The following RBPMS2 variants were observed in gnomAD, a reference collection of about 807,000 sequenced individuals.
The protein encoded by RBPMS2 is RNA-binding protein with multiple splicing 2.
In RBPMS2, 14 loss-of-function variants were observed where a neutral mutation model predicts 25.7. That is an observed-to-expected ratio of 0.55 (90% CI 0.36 to 0.85). The LOEUF (loss-of-function observed/expected upper bound fraction) is 0.85. Among genes scored for constraint, RBPMS2 ranks in the 40% least tolerant of loss-of-function variants. RBPMS2 has a pLI of 0.01. For synonymous variants in RBPMS2, 127 were observed against 115.6 expected (o/e 1.10, Z -0.63); for missense variants, 252 against 283.4 (o/e 0.89, Z 0.80).
chr15:64,767,630 C>G (rs1268943905), intron 1 of RBPMS2, among the ~76,000 whole-genome samples: 2 of 152,206 alleles, frequency 1.3e-5, no homozygotes, highest in East Asian at 3.8e-4. Flanking sequence ...CAGTCCCACC[C>G]TGGACATGGG....
chr15:64,750,261 T>A (rs1157257825), intron 3 of RBPMS2, 82 bp downstream of exon 3: 17 of 1,217,126 alleles, frequency 1.4e-5, no homozygotes, highest in Non-Finnish European at 1.7e-5. Flanking sequence ...GCCTCTAGAT[T>A]AGGGAAGGGT....
At chr15:64,774,040 G>C (rs1291335845) in intron 1 of RBPMS2, among the ~76,000 whole-genome samples, 1 of 152,212 alleles carries the variant, frequency 6.6e-6, no homozygotes, top group African/African-American at 2.4e-5. Flanking sequence ...ATCGACTGGG[G>C]CTGGCTGAAG....
intron 1 of RBPMS2, among the ~76,000 whole-genome samples, chr15:64,763,986 T>G (rs963187620): frequency 6.6e-6 from 1 of 152,000 alleles, no homozygotes; most frequent in Admixed American, 6.5e-5. Context: ...GCCTGTTGTG[T>G]GCACTTGACC....
rs2083924433 is a variant in RBPMS2, at chr15:64,775,432, C to T, written c.-113G>A. On this transcript the variant is annotated 5_prime_UTR_variant, in exon 1 of 8. Coordinates refer to ENST00000300069, the MANE Select transcript of RBPMS2 (RefSeq NM_194272.3). ...GCGCTCGCGGGTGCGGAGCGGGTGG[C>T]GGGGGACCCACGGGGCAGTGAGAGG... 1 of 227,798 alleles carries T rather than the reference C, an allele frequency of 4.4e-6. No homozygotes were observed. Among genetic ancestry groups the T allele is most frequent in the Non-Finnish European group, 6.9e-6 (1 of 145,792 alleles). The allele number at this position is 227,798 out of a possible 1,614,324, so 14.1% of individuals were successfully genotyped here.
chr15:64,759,472 TAAG>T (rs899952460), intron 1 of RBPMS2, among the ~76,000 whole-genome samples: 62 of 137,920 alleles, frequency 4.5e-4, no homozygotes, highest in Non-Finnish European at 9.5e-4. Context: ...AGAAGAGAAG[TAAG>T]AAGAAGGGGC....
intron 1 of RBPMS2, among the ~76,000 whole-genome samples, chr15:64,757,172 A>G (rs1400011500): frequency 3.3e-5 from 5 of 151,358 alleles, no homozygotes; most frequent in Non-Finnish European, 7.4e-5. Flanking sequence ...AGGTCTCACT[A>G]TGTTGCCTGG....
intron 1 of RBPMS2, among the ~76,000 whole-genome samples, chr15:64,767,070 CACCGAGTTTTTCGGTTTTTT>C (rs2083852997): frequency 6.6e-6 from 1 of 152,098 alleles, no homozygotes; most frequent in African/African-American, 2.4e-5. Flanking sequence ...AGGCATAAGC[CACCGAGTTTTTCGGTTTTTT>C]ACTTTTTTTT....
intron 1 of RBPMS2, among the ~76,000 whole-genome samples, chr15:64,757,661 G>A (rs1391390964): frequency 6.6e-6 from 1 of 152,178 alleles, no homozygotes; most frequent in Non-Finnish European, 1.5e-5. Flanking sequence ...CAGGAACAGA[G>A]ACATGCAGTT....
chr15:64,766,002 A>C (rs1226932107), intron 1 of RBPMS2, among the ~76,000 whole-genome samples: 1 of 151,896 alleles, frequency 6.6e-6, no homozygotes, highest in Non-Finnish European at 1.5e-5. Flanking sequence ...AAAAAAAAAA[A>C]ATGGTCTCAG....
At chr15:64,743,292 A>G (rs2083581170) in intron 6 of RBPMS2, among the ~76,000 whole-genome samples, 1 of 152,190 alleles carries the variant, frequency 6.6e-6, no homozygotes, top group South Asian at 2.1e-4. Flanking sequence ...CCCTCAGCAT[A>G]TCTGCTGGAT....
rs868203160 is a variant in RBPMS2, at chr15:64,751,443, C to T, written c.165+118G>A. On this transcript the variant is annotated intron_variant, in intron 2 of 7. Transcript: ENST00000300069. The stretch of plus-strand genomic sequence containing the variant: ...CCAGGACACGGGCTGGACCTGCCCC[C>T]ACAGCTTCTGCCACGCCTTCCCGCA... The T allele has an allele frequency of 6.2e-6, 5 of 811,938 alleles. No homozygotes were observed. The Middle Eastern group carries it at 9.2e-4, about 150-fold the overall frequency. 50.3% of individuals were successfully genotyped at this position (811,938 alleles called of 1,614,324 possible). A position where few individuals can be genotyped will look rare whatever the true frequency, so the allele number is the denominator to read the frequency against.
rs1595789540 is a variant in RBPMS2 at position 64,755,610 on chromosome 15, A to C, written c.88-3972T>G. ...TTTGTGAGGGCAGGGGGAGCGGCAC[A>C]GGGCAGCCTCATCAGCGTCATGGGT... On this transcript the variant is annotated intron_variant, in intron 1 of 7. Coordinates refer to ENST00000300069, the MANE Select transcript of RBPMS2 (RefSeq NM_194272.3). Among the ~76,000 whole-genome samples, 3 of 152,262 alleles carry C rather than the reference A, an allele frequency of 2.0e-5. No homozygotes were observed. In the East Asian group the frequency reaches 5.8e-4, roughly 29 times the overall value.
chr15:64,748,015 T>C (rs2083634775), intron 6 of RBPMS2, among the ~76,000 whole-genome samples: 2 of 145,640 alleles, frequency 1.4e-5, no homozygotes, highest in African/African-American at 5.0e-5. Flanking sequence ...AAAAAAAAAA[T>C]CGAGGCACAG....
intron 1 of RBPMS2, among the ~76,000 whole-genome samples, chr15:64,755,698 G>A (rs1055057124): frequency 2.0e-5 from 3 of 152,184 alleles, no homozygotes; most frequent in Non-Finnish European, 4.4e-5. Flanking sequence ...CCACACCAGA[G>A]TGAGGAGGGC....
At chr15:64,763,894 G>C (rs892952873) in intron 1 of RBPMS2, among the ~76,000 whole-genome samples, 1 of 152,156 alleles carries the variant, frequency 6.6e-6, no homozygotes, top group South Asian at 2.1e-4. Context: ...GCAGGTATAA[G>C]AAGGCTTCAG....
chr15:64,751,539 G>A (rs749230736), intron 2 of RBPMS2, 22 bp downstream of exon 2: 1 of 1,605,674 alleles, frequency 6.2e-7, no homozygotes, highest in East Asian at 2.2e-5. Context: ...TCTACCCAGG[G>A]GGCGGCTGGG....
chr15:64,769,455 A>G (rs534724517), intron 1 of RBPMS2, among the ~76,000 whole-genome samples: 11 of 150,350 alleles, frequency 7.3e-5, no homozygotes, highest in African/African-American at 2.7e-4. Flanking sequence ...TTTAAAAAAT[A>G]AAATCCATCC....
In RBPMS2 at chr15:64,749,431, G is replaced by T; in HGVS notation, c.267C>A (p.Asn89Lys). The T allele has an allele frequency of 6.2e-7, 1 of 1,612,844 alleles. No individual in the cohort carries two copies. Among genetic ancestry groups the T allele is most frequent in the Non-Finnish European group, 8.5e-7 (1 of 1,179,290 alleles). ...GAAGACCTGTTCTCCACCTACTCAC[G>T]TTCAGCGCATTCTTGGCCGCTTCTG... ...AGAEAAKNAL[N>K]GIRFDPENPQ... The change falls in exon 4 of 8, where the codon AAC becomes AAA. Residue 89 changes from asparagine to lysine, a missense_variant and splice_region_variant. Coordinates refer to ENST00000300069, the MANE Select transcript of RBPMS2 (RefSeq NM_194272.3).
chr15:64,758,425 A>C (rs1381987641), intron 1 of RBPMS2, among the ~76,000 whole-genome samples: 2 of 152,240 alleles, frequency 1.3e-5, no homozygotes, highest in Non-Finnish European at 2.9e-5. Flanking sequence ...GAACGGATGG[A>C]GGATGATTCT....
Sources: allele counts gnomAD v4.1 joint callset (sites outside exome capture counted in the v4.1 genomes callset), GRCh38; gene constraint gnomAD v4.1.1; transcripts MANE v1.5; gene names NCBI Gene and HGNC (gene_info 2026-07-23, HGNC 2026-07-21).